The following SLIT3 variants were observed in gnomAD, a reference collection of about 807,000 sequenced individuals.
The protein encoded by SLIT3 is slit guidance ligand 3, also known as slit homolog 3 protein.
A neutral mutation model predicts 184.0 loss-of-function variants in SLIT3; 68 were observed. That is an observed-to-expected ratio of 0.37 (90% CI 0.30 to 0.45). SLIT3 has a LOEUF of 0.45. Among genes scored for constraint, SLIT3 ranks in the 20% least tolerant of loss-of-function variants. SLIT3 has a pLI of 1.00. For synonymous variants in SLIT3, 831 were observed against 828.6 expected, an observed-to-expected ratio of 1.00 and a Z score of -0.05; for missense variants, 1,707 against 2,026.0, an observed-to-expected ratio of 0.84 and a Z score of 3.02.
intron 4 of SLIT3, among the ~76,000 whole-genome samples, chr5:168,933,388 A>G (rs933037581): frequency 6.6e-6 from 1 of 152,140 alleles, no homozygotes; most frequent in Non-Finnish European, 1.5e-5. Flanking sequence ...CTAAAATACA[A>G]AACATTAGTG....
chr5:169,198,592 C>A (rs773034972), intron 3 of SLIT3, among the ~76,000 whole-genome samples: 70 of 152,128 alleles, frequency 4.6e-4, no homozygotes, highest in Non-Finnish European at 7.5e-4. Context: ...TAAGAGGGAG[C>A]CAGAGAAAGG....
intron 1 of SLIT3, among the ~76,000 whole-genome samples, chr5:169,275,105 A>G (rs1766758202): frequency 6.6e-6 from 1 of 152,242 alleles, no homozygotes; most frequent in South Asian, 2.1e-4. Context: ...TGCCAGATCC[A>G]TTAACACAAA....
rs756798557 is a variant in SLIT3 at position 168,806,582 on chromosome 5, G to T, written c.799C>A (p.His267Asn). ...QKKEYVCPAP[H>N]SEPPSCNANS... ...GCATTGCAGGATGGGGGCTCCGAGT[G>T]GGGGGCTGTGGAGCCAAGACACAAC... Residue 267 changes from histidine to asparagine, a missense_variant, in exon 9 of 36, where the codon CAC (histidine) becomes AAC (asparagine). Coordinates refer to ENST00000519560, the MANE Select transcript of SLIT3 (RefSeq NM_003062.4). 26 of 1,613,996 alleles carry T rather than the reference G, an allele frequency of 1.6e-5. No individual in the cohort carries two copies. The East Asian group carries it at 2.0e-4, about 12-fold the overall frequency.
chr5:168,787,055 C>A (rs1373303802), intron 11 of SLIT3, among the ~76,000 whole-genome samples: 1 of 152,156 alleles, frequency 6.6e-6, no homozygotes, highest in Admixed American at 6.5e-5. Context: ...ATAAACCAAA[C>A]CCCCCTTTTC....
chr5:168,760,539 T>C (rs981268864), intron 16 of SLIT3, among the ~76,000 whole-genome samples: 2 of 152,164 alleles, frequency 1.3e-5, no homozygotes, highest in African/African-American at 4.8e-5. Context: ...CCATTGCTAG[T>C]CCTTACCTGA....
intron 4 of SLIT3, among the ~76,000 whole-genome samples, chr5:169,064,514 G>T (rs1400884031): frequency 6.6e-6 from 1 of 152,180 alleles, no homozygotes; most frequent in Non-Finnish European, 1.5e-5. Flanking sequence ...TGAGGCCAGG[G>T]ATGTAAAATG....
intron 4 of SLIT3, among the ~76,000 whole-genome samples, chr5:169,140,092 G>T (rs72833914): frequency 8.0e-4 from 121 of 151,994 alleles, no homozygotes; most frequent in Non-Finnish European, 1.6e-3. Context: ...GGGAGCAAGA[G>T]TCCAGGGAAT....
chr5:169,104,748 T>G (rs1056190832), intron 4 of SLIT3, among the ~76,000 whole-genome samples: 1 of 152,186 alleles, frequency 6.6e-6, no homozygotes, highest in African/African-American at 2.4e-5. Flanking sequence ...AGGAACCATC[T>G]GGGAACCAGA....
intron 4 of SLIT3, among the ~76,000 whole-genome samples, chr5:168,935,675 G>C (rs573051496): frequency 1.3e-5 from 2 of 152,204 alleles, no homozygotes; most frequent in Non-Finnish European, 2.9e-5. Flanking sequence ...GTGCATTTCA[G>C]CTTTCATGGT....
intron 14 of SLIT3, chr5:168,772,462 C>T: frequency 2.8e-6 from 1 of 359,448 alleles, no homozygotes; most frequent in South Asian, 3.6e-5. Context: ...CTGTAACAGG[C>T]ACATGTGCAA....
intron 30 of SLIT3, 28 bp downstream of exon 30, chr5:168,686,951 T>C: frequency 6.2e-7 from 1 of 1,605,060 alleles, no homozygotes; most frequent in South Asian, 1.1e-5. Context: ...CCAGGCTGTC[T>C]CCTTCCTGAG....
intron 32 of SLIT3, among the ~76,000 whole-genome samples, chr5:168,680,633 T>A (rs1356007200): frequency 6.6e-6 from 1 of 151,402 alleles, no homozygotes; most frequent in Non-Finnish European, 1.5e-5. Context: ...GAGGAGGAGA[T>A]CTCATTTTTT....
chr5:168,704,030 G>A (rs1582548941), intron 26 of SLIT3, among the ~76,000 whole-genome samples: 3 of 149,650 alleles, frequency 2.0e-5, no homozygotes, highest in African/African-American at 7.4e-5. Flanking sequence ...GAGGAATGCT[G>A]CTAAGTCCTT....
chr5:168,960,193 C>T (rs1357083510), intron 4 of SLIT3, among the ~76,000 whole-genome samples: 2 of 152,196 alleles, frequency 1.3e-5, no homozygotes, highest in Admixed American at 1.3e-4. Context: ...TCCTCTGTAC[C>T]TATGGTACCT....
chr5:168,685,714 G>C lies in SLIT3; in HGVS notation c.3528C>G (p.Val1176=), dbSNP rs1761721852. Residue 1176 remains valine, a synonymous_variant, in exon 31 of 36, where the codon GTC becomes GTG. Coordinates refer to ENST00000519560, the MANE Select transcript of SLIT3 (RefSeq NM_003062.4). ...DSYVELASAK[V]RPQANISLQV... is the part of the protein sequence containing the mutation. ...GCAGGGAGATGTTGGCCTGGGGTCG[G>C]ACCTTGGCGGAGGCCAGTTCCACGT... is the stretch of plus-strand genomic sequence containing the variant. 6.4e-7 allele frequency: 1 copy of C among 1,573,236 alleles called. No individual in the cohort carries two copies. The highest frequency in any genetic ancestry group is 8.6e-7 in the Non-Finnish European group (1 of 1,156,084).
intron 8 of SLIT3, among the ~76,000 whole-genome samples, chr5:168,810,829 A>G (rs923124034): frequency 6.6e-6 from 1 of 152,096 alleles, no homozygotes; most frequent in African/African-American, 2.4e-5. Context: ...GGTCCAGGGA[A>G]CACTCAAGTG....
chr5:168,662,621 T>C lies in SLIT3; in HGVS notation c.*3833A>G, dbSNP rs760032196. Reference sequence around the variant, plus strand: ...ATAACAGCAACAACAACAGTAATAATAACAACAGCATCTTACATTTAAGGT... The same window carrying C: ...ATAACAGCAACAACAACAGTAATAACAACAACAGCATCTTACATTTAAGGT... On this transcript the variant is annotated 3_prime_UTR_variant, in exon 36 of 36. Transcript: ENST00000519560. The C allele has an allele frequency of 6.6e-6, 1 of 152,210 alleles. No homozygotes were observed. The highest frequency in any genetic ancestry group is 1.5e-5 in the Non-Finnish European group (1 of 68,048). 9.4% of individuals were successfully genotyped at this position (152,210 alleles called of 1,614,324 possible).
chr5:168,916,675 A>T (rs1380545057), intron 4 of SLIT3, among the ~76,000 whole-genome samples: 1 of 152,270 alleles, frequency 6.6e-6, no homozygotes, highest in Non-Finnish European at 1.5e-5. Flanking sequence ...GCAAAAATAC[A>T]GTTAACCTTT....
intron 4 of SLIT3, among the ~76,000 whole-genome samples, chr5:169,008,657 GTTTT>G (rs369408913): frequency 6.6e-6 from 1 of 151,254 alleles, no homozygotes; most frequent in African/African-American, 2.4e-5. Context: ...TGCTGTTGTT[GTTTT>G]TTTTTAACTT....
Sources: allele counts gnomAD v4.1 joint callset (sites outside exome capture counted in the v4.1 genomes callset), GRCh38; gene constraint gnomAD v4.1.1; transcripts MANE v1.5; gene names NCBI Gene and HGNC (gene_info 2026-07-23, HGNC 2026-07-21).